SCHIP1: variants seen among roughly 807,000 people sequenced by gnomAD.
SCHIP1 encodes schwannomin-interacting protein 1.
A neutral mutation model predicts 29.7 loss-of-function variants in SCHIP1; 8 were observed. The observed-to-expected ratio is 0.27, with a 90% confidence interval of 0.16 to 0.49. The LOEUF (loss-of-function observed/expected upper bound fraction) is 0.49, where lower values mean the gene tolerates loss of function less well. Among genes scored for constraint, SCHIP1 ranks in the 20% least tolerant of loss-of-function variants. SCHIP1 has a pLI of 0.99. For missense variants in SCHIP1, 193 were observed against 294.6 expected, an observed-to-expected ratio of 0.66 and a Z score of 2.52; for synonymous variants, 76 against 94.9, an observed-to-expected ratio of 0.80 and a Z score of 1.16.
chr3:159,460,325 A>T, the SCHIP1 span, among the ~76,000 whole-genome samples: 1 of 152,300 alleles, frequency 6.6e-6, no homozygotes, highest in South Asian at 2.1e-4. Context: ...AAACCGAATA[A>T]GGTGAGGTCC....
the SCHIP1 span, among the ~76,000 whole-genome samples, chr3:159,593,106 A>G: frequency 2.6e-5 from 4 of 152,136 alleles, no homozygotes; most frequent in Non-Finnish European, 5.9e-5. Flanking sequence ...CTCCTTACAC[A>G]ATTGTTGTGA....
the SCHIP1 span, chr3:159,722,433 T>C: frequency 6.6e-6 from 1 of 152,298 alleles, no homozygotes; most frequent in Non-Finnish European, 1.5e-5. Context: ...TCTCAAAGTA[T>C]TCAGGTCAAC....
the SCHIP1 span, among the ~76,000 whole-genome samples, chr3:159,560,191 ATAATAT>A: frequency 2.6e-5 from 4 of 152,192 alleles, no homozygotes; most frequent in Non-Finnish European, 4.4e-5. Flanking sequence ...TTCCTTATCA[ATAATAT>A]TAATATCCTA....
the SCHIP1 span, among the ~76,000 whole-genome samples, chr3:159,779,741 C>T: frequency 1.3e-5 from 2 of 151,248 alleles, no homozygotes; most frequent in Non-Finnish European, 2.9e-5. Flanking sequence ...CCAACAGGAT[C>T]GGTAATTTCC....
the SCHIP1 span, among the ~76,000 whole-genome samples, chr3:159,339,616 A>C: frequency 1.3e-5 from 2 of 152,178 alleles, no homozygotes; most frequent in Admixed American, 6.6e-5. Context: ...AGTTTGATAG[A>C]TGTGCCTTCA....
At chr3:159,639,669 A>G in the SCHIP1 span, among the ~76,000 whole-genome samples, 1 of 152,210 alleles carries the variant, frequency 6.6e-6, no homozygotes, top group Non-Finnish European at 1.5e-5. Context: ...TAAAGGAACC[A>G]TATGAGTCTA....
the SCHIP1 span, among the ~76,000 whole-genome samples, chr3:159,279,402 C>T: frequency 6.6e-6 from 1 of 152,162 alleles, no homozygotes; most frequent in Non-Finnish European, 1.5e-5. Context: ...ATAAATTACC[C>T]AGTCTCGGAT....
At chr3:159,602,215 C>G in the SCHIP1 span, among the ~76,000 whole-genome samples, 1 of 152,204 alleles carries the variant, frequency 6.6e-6, no homozygotes, top group South Asian at 2.1e-4. Context: ...CTTGGCTGAG[C>G]TGGCCACTTG....
upstream of SCHIP1, among the ~76,000 whole-genome samples, chr3:159,836,278 T>C (rs966698963): frequency 9.9e-5 from 15 of 152,226 alleles, no homozygotes; most frequent in Non-Finnish European, 1.9e-4. Flanking sequence ...TTTCCTGATT[T>C]ATAGATGGCA....
the SCHIP1 span, among the ~76,000 whole-genome samples, chr3:159,703,133 C>A: frequency 6.6e-6 from 1 of 152,112 alleles, no homozygotes; most frequent in East Asian, 1.9e-4. Flanking sequence ...GTGATTAGAA[C>A]CCAGTGTGGT....
chr3:159,432,331 T>A, the SCHIP1 span, among the ~76,000 whole-genome samples: 1,600 of 90,066 alleles, frequency 0.018, 26 homozygotes, highest in African/African-American at 0.054. Context: ...TGTGTGTGTG[T>A]GTGTGTGTGA....
intron 1 of SCHIP1, among the ~76,000 whole-genome samples, chr3:159,848,312 A>G (rs555314661): frequency 1.9e-4 from 29 of 152,244 alleles, no homozygotes; most frequent in African/African-American, 5.5e-4. Flanking sequence ...ATGCATGGAC[A>G]GTTCATTCTA....
At chr3:159,424,191 G>A in the SCHIP1 span, among the ~76,000 whole-genome samples, 1 of 152,174 alleles carries the variant, frequency 6.6e-6, no homozygotes, top group South Asian at 2.1e-4. Flanking sequence ...AAGCTGGACG[G>A]AGAATGACTT....
chr3:159,428,760 G>A, the SCHIP1 span, among the ~76,000 whole-genome samples: 22 of 151,860 alleles, frequency 1.4e-4, no homozygotes, highest in African/African-American at 2.7e-4. Context: ...TGTTTATTGC[G>A]GCACTATTCA....
At chr3:159,851,166 A>G (rs965952833) in intron 1 of SCHIP1, among the ~76,000 whole-genome samples, 1 of 152,102 alleles carries the variant, frequency 6.6e-6, no homozygotes, top group African/African-American at 2.4e-5. Flanking sequence ...TCCCTATACT[A>G]TCTAGTCCCA....
At chr3:159,888,003 T>A in intron 4 of SCHIP1, 98 bp downstream of exon 5, 2 of 1,486,884 alleles carry the variant, frequency 1.3e-6, no homozygotes, top group Non-Finnish European at 1.8e-6. Flanking sequence ...CTTGTGTTTC[T>A]CTAAGGCGGT....
At chr3:159,753,756 C>A in the SCHIP1 span, among the ~76,000 whole-genome samples, 16 of 152,182 alleles carry the variant, frequency 1.1e-4, no homozygotes, top group Non-Finnish European at 1.5e-4. Context: ...TTAGTTGCAA[C>A]CCCTCCTCAC....
chr3:159,543,178 G>C, the SCHIP1 span, among the ~76,000 whole-genome samples: 1 of 149,948 alleles, frequency 6.7e-6, no homozygotes, highest in Non-Finnish European at 1.5e-5. Context: ...GAATAGAATG[G>C]CACTTTTATT....
the SCHIP1 span, among the ~76,000 whole-genome samples, chr3:159,490,090 G>A: frequency 6.6e-6 from 1 of 152,038 alleles, no homozygotes; most frequent in African/African-American, 2.4e-5. Context: ...TTTTGTTTTT[G>A]ATTTTGTTTT....
Sources: allele counts gnomAD v4.1 joint callset (sites outside exome capture counted in the v4.1 genomes callset), GRCh38; gene constraint gnomAD v4.1.1; transcripts MANE v1.5; gene names NCBI Gene and HGNC (gene_info 2026-07-23, HGNC 2026-07-21).